Variants in USP25 observed in about 807,000 individuals in gnomAD.
USP25 encodes ubiquitin specific peptidase 25.
USP25 carries 85 observed loss-of-function variants against 158.5 expected under a neutral mutation model. The observed-to-expected ratio is 0.54, with a 90% CI of 0.45 to 0.64. The LOEUF (loss-of-function observed/expected upper bound fraction) is 0.64. Among genes scored for constraint, USP25 ranks in the 30% least tolerant of loss-of-function variants. The pLI is 0.00. For missense variants in USP25, 1,242 were observed against 1,327.3 expected (o/e 0.94, Z 1.00); for synonymous variants, 464 against 460.4 (o/e 1.01, Z -0.10).
At chr21:15,805,384 AC>A in intron 7 of USP25, 126 bp downstream of exon 7, 1 of 946,320 alleles carries the variant, frequency 1.1e-6, no homozygotes, top group Non-Finnish European at 1.4e-6. Context: ...ATAACCTGGA[AC>A]CATTTAAAAC....
intron 4 of USP25, among the ~76,000 whole-genome samples, chr21:15,782,795 A>G (rs1447272507): frequency 1.3e-5 from 2 of 152,184 alleles, no homozygotes; most frequent in Admixed American, 6.5e-5. Flanking sequence ...GGAAAAAGCA[A>G]TTGTCCATTA....
chr21:15,774,423 T>G (rs1054676348), intron 3 of USP25, among the ~76,000 whole-genome samples: 1 of 152,212 alleles, frequency 6.6e-6, no homozygotes, highest in Admixed American at 6.5e-5. Context: ...TTTAGATTTT[T>G]GCTTGAAAAT....
chr21:15,821,252 T>C (rs1316610903), intron 10 of USP25, among the ~76,000 whole-genome samples: 1 of 151,978 alleles, frequency 6.6e-6, no homozygotes, highest in African/African-American at 2.4e-5. Flanking sequence ...TGAGCATGCT[T>C]CTAAGTTAGT....
intron 2 of USP25, among the ~76,000 whole-genome samples, chr21:15,764,499 C>T (rs867654816): frequency 1.3e-4 from 19 of 151,920 alleles, no homozygotes; most frequent in African/African-American, 2.9e-4. Context: ...TAAATACTGA[C>T]GAGAAGTCTA....
intron 24 of USP25, 70 bp downstream of exon 24, chr21:15,874,596 A>G (rs2082935552): frequency 5.5e-6 from 8 of 1,450,086 alleles, no homozygotes; most frequent in Non-Finnish European, 7.4e-6. Flanking sequence ...AGACTCATAT[A>G]TAAGTGATTG....
intron 10 of USP25, 37 bp from the exon 11 acceptor site, chr21:15,824,002 G>C (rs909067875): frequency 5.0e-6 from 8 of 1,588,930 alleles, no homozygotes; most frequent in Non-Finnish European, 6.9e-6. Context: ...AACAAAGGTG[G>C]TATTAAAGTT....
rs1449109193 is a variant in USP25 at position 15,878,138 on chromosome 21, A to G, written c.3205+147A>G. The G allele has an allele frequency of 7.5e-6, 8 of 1,073,138 alleles. No homozygotes were observed. The East Asian group carries it at 2.1e-4, about 29-fold the overall frequency. The allele number at this position is 1,073,138 out of a possible 1,614,324, so 66.5% of individuals were successfully genotyped here. A position where few individuals can be genotyped will look rare whatever the true frequency, so the allele number is the denominator to read the frequency against. On this transcript the variant is annotated intron_variant, in intron 25 of 25. Transcript: ENST00000400183. Reference sequence around the variant, plus strand: ...ATTCACATGATTACTCTTTTTCCATATTGATGAACTAAGCTGTGTGCATTG... The same window carrying G: ...ATTCACATGATTACTCTTTTTCCATGTTGATGAACTAAGCTGTGTGCATTG...
intron 3 of USP25, among the ~76,000 whole-genome samples, chr21:15,773,019 A>G (rs2034444449): frequency 6.6e-6 from 1 of 152,240 alleles, no homozygotes; most frequent in Non-Finnish European, 1.5e-5. Context: ...TGAAATTAAA[A>G]TAATAAGTAA....
intron 1 of USP25, among the ~76,000 whole-genome samples, chr21:15,733,874 A>T (rs1290130903): frequency 1.3e-5 from 2 of 152,126 alleles, no homozygotes; most frequent in Non-Finnish European, 2.9e-5. Context: ...AAACAATGAA[A>T]GCTTGAAAAA....
intron 1 of USP25, among the ~76,000 whole-genome samples, chr21:15,757,770 A>G (rs1199019640): frequency 6.6e-6 from 1 of 152,200 alleles, no homozygotes; most frequent in Non-Finnish European, 1.5e-5. Flanking sequence ...CATTGGTCAA[A>G]TCCCATCATC....
chr21:15,764,868 C>T (rs1478458933), intron 2 of USP25, among the ~76,000 whole-genome samples: 2 of 152,094 alleles, frequency 1.3e-5, no homozygotes, highest in African/African-American at 4.8e-5. Flanking sequence ...TCACTGACTG[C>T]TACAACTGGA....
Position 15,791,684 on chromosome 21 carries a change from C to A in USP25, c.555+20C>A. 6.3e-7 allele frequency: 1 copy of A among 1,597,146 alleles called. No homozygotes were observed. Reference sequence around the variant, plus strand: ...ATTCAGGTAAGGATTTTTCTTTATTCAGTTCTTATTTGATGTGTGTGATAG... The same window carrying A: ...ATTCAGGTAAGGATTTTTCTTTATTAAGTTCTTATTTGATGTGTGTGATAG... On this transcript the variant is annotated intron_variant, in intron 5 of 25. Coordinates refer to ENST00000400183, the MANE Select transcript of USP25 (RefSeq NM_001283041.3).
chr21:15,731,198 C>G (rs1246937434), intron 1 of USP25, among the ~76,000 whole-genome samples: 1 of 152,062 alleles, frequency 6.6e-6, no homozygotes, highest in Non-Finnish European at 1.5e-5. Flanking sequence ...GAATAGAGAT[C>G]ATTCTGCTAT....
chr21:15,767,024 G>C (rs984195507), intron 3 of USP25, among the ~76,000 whole-genome samples: 2 of 152,004 alleles, frequency 1.3e-5, no homozygotes, highest in South Asian at 4.1e-4. Flanking sequence ...AGATGATCTT[G>C]TGTCAGAGAA....
At position 15,766,990 on chromosome 21, in the gene USP25, A is replaced by T. The variant is rs2034075493; in HGVS notation, c.268+849A>T. Among the ~76,000 whole-genome samples, 1 of 152,078 alleles carries T rather than the reference A, an allele frequency of 6.6e-6. No homozygotes were observed. The highest frequency in any genetic ancestry group is 6.6e-5 in the Admixed American group (1 of 15,242). On this transcript the variant is annotated intron_variant, in intron 3 of 25. Transcript: ENST00000400183. The surrounding 1 kb of genome is among the most constrained non-coding windows in gnomAD (Gnocchi z 4.0). ...AATATTTTAATTTTTAGTTTTCAGG[A>T]TAATCTTAGCATTTTTGCTACATAG...
At chr21:15,864,705 T>G (rs1041688942) in intron 21 of USP25, among the ~76,000 whole-genome samples, 10 of 152,136 alleles carry the variant, frequency 6.6e-5, no homozygotes, top group Non-Finnish European at 1.5e-4. Flanking sequence ...ACTCAATATT[T>G]TAGAAACAAA....
In USP25 at chr21:15,879,515, T is replaced by C. The variant is rs1392806825; in HGVS notation, c.*1040T>C. On this transcript the variant is annotated 3_prime_UTR_variant, in exon 26 of 26. Transcript: ENST00000400183. The stretch of plus-strand genomic sequence containing the variant: ...GTTATGAGTATCTTAACTGCCTTTA[T>C]TCCTTTTCAAAAAGGAAAAAGCTGT... 5 of 152,536 alleles carry C rather than the reference T, an allele frequency of 3.3e-5. No individual in the cohort carries two copies. Among genetic ancestry groups the C allele is most frequent in the Admixed American group, 3.3e-4 (5 of 15,258 alleles). The allele number at this position is 152,536 out of a possible 1,614,324, so 9.4% of individuals were successfully genotyped here.
chr21:15,864,808 A>G (rs2039585642), intron 21 of USP25, among the ~76,000 whole-genome samples: 1 of 152,098 alleles, frequency 6.6e-6, no homozygotes, highest in Admixed American at 6.6e-5. Context: ...ATATTTAATA[A>G]TATCCCTCAT....
chr21:15,873,620 A>G (rs1246813291), intron 23 of USP25, among the ~76,000 whole-genome samples: 1 of 151,668 alleles, frequency 6.6e-6, no homozygotes, highest in African/African-American at 2.4e-5. Flanking sequence ...CAGCCTGCCG[A>G]GTAGCTGGGA....
Sources: allele counts gnomAD v4.1 joint callset (sites outside exome capture counted in the v4.1 genomes callset), GRCh38; gene constraint gnomAD v4.1.1; non-coding constraint Gnocchi (gnomAD v3.1); transcripts MANE v1.5; gene names NCBI Gene and HGNC (gene_info 2026-07-23, HGNC 2026-07-21).